Variants in CHL1 observed in about 807,000 individuals in gnomAD.
CHL1 encodes the protein neural cell adhesion molecule L1-like protein.
In CHL1, 96 loss-of-function variants were observed where a neutral mutation model predicts 141.9. That is an observed-to-expected ratio of 0.68 (90% CI 0.57 to 0.80). The LOEUF (loss-of-function observed/expected upper bound fraction) is 0.80, where lower values mean the gene tolerates loss of function less well. CHL1 is among the 30% of genes least tolerant of loss of function. CHL1 has a pLI of 0.00. For synonymous variants in CHL1, 613 were observed against 502.2 expected (o/e 1.22, Z -2.95); for missense variants, 1,820 against 1,457.2 (o/e 1.25, Z -4.05).
chr3:291,621 C>T (rs17020608), intron 2 of CHL1, among the ~76,000 whole-genome samples: 9 of 151,904 alleles, frequency 5.9e-5, no homozygotes, highest in Admixed American at 5.9e-4. Flanking sequence ...ATAAATTTTC[C>T]TATACATTGT....
At chr3:347,709 G>A (rs964133433) in intron 9 of CHL1, among the ~76,000 whole-genome samples, 37 of 152,184 alleles carry the variant, frequency 2.4e-4, no homozygotes, top group South Asian at 2.1e-4. Context: ...GACAGATGGA[G>A]TGAAAAGCCA....
chr3:281,726 AT>A (rs1696674802), intron 2 of CHL1, among the ~76,000 whole-genome samples: 1 of 151,914 alleles, frequency 6.6e-6, no homozygotes, highest in Non-Finnish European at 1.5e-5. Flanking sequence ...TGACTGGCTA[AT>A]TTTTGTATTT....
At chr3:400,757 A>G (rs570361708) in intron 26 of CHL1, among the ~76,000 whole-genome samples, 1 of 152,072 alleles carries the variant, frequency 6.6e-6, no homozygotes, top group Non-Finnish European at 1.5e-5. Context: ...AGCCGAGATC[A>G]CGCCTCTGCA....
At position 382,613 on chromosome 3, in the gene CHL1, C is replaced by T. The variant is rs747532614; in HGVS notation, c.2118C>T (p.Asn706=). ...ACCAGTTCAGGGTCATAGCCGTGAA[C>T]GAAGTAGGGAGAAGTCAGCCTAGCC... ...VRYQFRVIAV[N]EVGRSQPSQP... Residue 706 remains asparagine (N), a synonymous_variant, in exon 18 of 28, where the codon AAC becomes AAT. Transcript: ENST00000256509. The T allele has an allele frequency of 2.0e-5, 32 of 1,613,638 alleles. No individual in the cohort carries two copies. Among genetic ancestry groups the T allele is most frequent in the East Asian group, 1.1e-4 (5 of 44,866 alleles).
rs1559339415 is a variant in CHL1, at chr3:382,824, G to C, written c.2176+153G>C. The stretch of plus-strand genomic sequence containing the variant: ...CTAAACAGCACACAAAATATTCAAA[G>C]CACACAAGTTTCAGAAGTGTTACAT... On this transcript the variant is annotated intron_variant, in intron 18 of 27. Transcript: ENST00000256509. 4.5e-6 allele frequency: 3 copies of C among 672,874 alleles called. No homozygotes were observed. In the African/African-American group the frequency reaches 5.5e-5, roughly 12 times the overall value. The allele number at this position is 672,874 out of a possible 1,614,324, so 41.7% of individuals were successfully genotyped here.
intron 1 of CHL1, among the ~76,000 whole-genome samples, chr3:219,304 C>T (rs372948995): frequency 1.3e-5 from 2 of 152,250 alleles, no homozygotes; most frequent in African/African-American, 4.8e-5. Context: ...ACCATTCAAT[C>T]CTGCAATCCC....
At chr3:274,713 T>C (rs1283871472) in intron 2 of CHL1, among the ~76,000 whole-genome samples, 1 of 152,246 alleles carries the variant, frequency 6.6e-6, no homozygotes, top group Non-Finnish European at 1.5e-5. Context: ...AGCATCTAAG[T>C]CATCTACAGT....
chr3:276,432 A>T (rs1437209398), intron 2 of CHL1, among the ~76,000 whole-genome samples: 1 of 152,192 alleles, frequency 6.6e-6, no homozygotes, highest in Non-Finnish European at 1.5e-5. Context: ...CTGGTGTTTT[A>T]TAGTTTGCAG....
At chr3:381,266 A>G (rs1211015407) in intron 16 of CHL1, among the ~76,000 whole-genome samples, 1 of 152,168 alleles carries the variant, frequency 6.6e-6, no homozygotes, top group Non-Finnish European at 1.5e-5. Flanking sequence ...CCAGAGCCTG[A>G]TGCGATTGAA....
chr3:270,299 C>T (rs1022112783), intron 2 of CHL1, among the ~76,000 whole-genome samples: 1 of 152,110 alleles, frequency 6.6e-6, no homozygotes, highest in Non-Finnish European at 1.5e-5. Flanking sequence ...CAATGAGGGT[C>T]TTTGATAAAC....
chr3:241,484 C>T (rs1462077836), intron 1 of CHL1, among the ~76,000 whole-genome samples: 1 of 152,164 alleles, frequency 6.6e-6, no homozygotes, highest in African/African-American at 2.4e-5. Context: ...TTACACCAGC[C>T]ATGGGTAGGT....
intron 2 of CHL1, among the ~76,000 whole-genome samples, chr3:284,058 G>A (rs139874910): frequency 4.6e-5 from 7 of 152,146 alleles, no homozygotes; most frequent in African/African-American, 1.4e-4. Context: ...TATCCACTAA[G>A]TACTTTGCCA....
At chr3:294,203 C>T (rs936723875) in intron 2 of CHL1, among the ~76,000 whole-genome samples, 3 of 151,944 alleles carry the variant, frequency 2.0e-5, no homozygotes, top group African/African-American at 2.4e-5. Flanking sequence ...CCTGCAGTCT[C>T]GGCTACTCAG....
intron 5 of CHL1, among the ~76,000 whole-genome samples, chr3:334,036 A>G (rs1457229845): frequency 6.6e-6 from 1 of 152,108 alleles, no homozygotes; most frequent in Non-Finnish European, 1.5e-5. Flanking sequence ...GGCTCACTGC[A>G]GCCTCATCCT....
At chr3:206,356 C>T (rs1350535674) in intron 1 of CHL1, among the ~76,000 whole-genome samples, 1 of 152,086 alleles carries the variant, frequency 6.6e-6, no homozygotes, top group Non-Finnish European at 1.5e-5. Context: ...ATCCCAGCTA[C>T]TCAGGAGGCT....
chr3:228,621 A>G (rs192952681), intron 1 of CHL1, among the ~76,000 whole-genome samples: 47 of 152,298 alleles, frequency 3.1e-4, no homozygotes, highest in Middle Eastern at 3.4e-3. Context: ...GAGACCACAC[A>G]TCTTCACATG....
At chr3:359,219 G>C (rs1302136340) in intron 11 of CHL1, among the ~76,000 whole-genome samples, 1 of 151,906 alleles carries the variant, frequency 6.6e-6, no homozygotes, top group Non-Finnish European at 1.5e-5. Flanking sequence ...AGCAGTGTCA[G>C]TGAGATCATG....
intron 1 of CHL1, among the ~76,000 whole-genome samples, chr3:220,511 A>G (rs1559289578): frequency 6.6e-6 from 1 of 151,894 alleles, no homozygotes; most frequent in Non-Finnish European, 1.5e-5. Context: ...ATAGCTGATG[A>G]GTTGTTTTTT....
intron 27 of CHL1, among the ~76,000 whole-genome samples, chr3:403,987 A>G (rs1559366557): frequency 6.6e-6 from 1 of 152,178 alleles, no homozygotes; most frequent in Non-Finnish European, 1.5e-5. Flanking sequence ...TTCAAGAGCC[A>G]ATTATCGTAT....
Sources: gnomAD v4.1 joint callset for allele counts (sites outside exome capture counted in the v4.1 genomes callset) on GRCh38, gnomAD v4.1.1 for gene constraint, MANE v1.5 for transcripts, NCBI Gene and HGNC (gene_info 2026-07-23, HGNC 2026-07-21) for gene names.